Variants in SEMA6D observed in about 807,000 individuals in gnomAD.
SEMA6D encodes semaphorin 6D, also known as semaphorin-6D.
A neutral mutation model predicts 106.6 loss-of-function variants in SEMA6D; 35 were observed. The observed-to-expected ratio is 0.33, with a 90% confidence interval of 0.25 to 0.44. The LOEUF (loss-of-function observed/expected upper bound fraction) is 0.44, where lower values mean the gene tolerates loss of function less well. SEMA6D is among the 20% of genes least tolerant of loss of function. The pLI is 1.00. For missense variants in SEMA6D, 1,185 were observed against 1,345.9 expected (o/e 0.88, Z 1.87); for synonymous variants, 499 against 487.7 (o/e 1.02, Z -0.31).
chr15:47,674,860 G>A (rs939382731), intron 4 of SEMA6D, among the ~76,000 whole-genome samples: 2 of 152,094 alleles, frequency 1.3e-5, no homozygotes, highest in African/African-American at 4.8e-5. Flanking sequence ...CTGCGCATCC[G>A]AATCCCTTCC....
At chr15:47,399,697 T>C (rs942846496) in intron 1 of SEMA6D, 1 of 152,208 alleles carries the variant, frequency 6.6e-6, no homozygotes, top group African/African-American at 2.4e-5. Context: ...TAGCCATGGC[T>C]CTGCAAGGAG....
chr15:47,660,447 A>G (rs1254082338), intron 4 of SEMA6D, among the ~76,000 whole-genome samples: 2 of 152,172 alleles, frequency 1.3e-5, no homozygotes, highest in Non-Finnish European at 2.9e-5. Flanking sequence ...CTAAGGTTAA[A>G]AAATAAGAGT....
chr15:47,342,697 A>C (rs2037870226), intron 1 of SEMA6D, among the ~76,000 whole-genome samples: 1 of 152,022 alleles, frequency 6.6e-6, no homozygotes, highest in East Asian at 1.9e-4. Flanking sequence ...CCCTACACTA[A>C]ATCGCTCAAA....
intron 4 of SEMA6D, among the ~76,000 whole-genome samples, chr15:47,666,361 A>G (rs1279080631): frequency 1.3e-5 from 2 of 152,194 alleles, no homozygotes; most frequent in Non-Finnish European, 2.9e-5. Flanking sequence ...CTGTTGAGTA[A>G]TTGTGCTAGG....
rs370273691 is a variant in SEMA6D at position 47,764,020 on chromosome 15, C to T, written c.918C>T (p.Ile306=). 192 of 1,613,806 alleles carry T rather than the reference C, an allele frequency of 1.2e-4. No individual in the cohort carries two copies. Among genetic ancestry groups the T allele is most frequent in the Non-Finnish European group, 1.5e-4 (180 of 1,179,890 alleles). The change falls in exon 10 of 19, where the codon ATC becomes ATT. Residue 306 remains isoleucine, a synonymous_variant. Coordinates refer to ENST00000536845, the MANE Select transcript of SEMA6D (RefSeq NM_001358351.3). The part of the protein sequence containing the change: ...VLQSITDIIQ[I]NGIPTVVGVF... ...AGTCTATTACAGACATAATACAAAT[C>T]AATGGCATCCCCACTGTGGTCGGGG...
At chr15:47,311,204 A>G (rs747323079) in intron 1 of SEMA6D, among the ~76,000 whole-genome samples, 3 of 152,222 alleles carry the variant, frequency 2.0e-5, no homozygotes, top group African/African-American at 4.8e-5. Context: ...GGCAGCAAGA[A>G]GGATGCATTA....
intron 1 of SEMA6D, among the ~76,000 whole-genome samples, chr15:47,292,851 C>T (rs2035648410): frequency 6.6e-6 from 1 of 152,098 alleles, no homozygotes; most frequent in South Asian, 2.1e-4. Context: ...ACCACATTTC[C>T]TAAGGAAATG....
intron 1 of SEMA6D, among the ~76,000 whole-genome samples, chr15:47,222,832 A>G (rs2031323134): frequency 6.6e-6 from 1 of 152,096 alleles, no homozygotes; most frequent in Non-Finnish European, 1.5e-5. Context: ...CCTTTTATTT[A>G]TTTTAGTATT....
At chr15:47,229,471 G>T (rs555879871) in intron 1 of SEMA6D, among the ~76,000 whole-genome samples, 4 of 152,126 alleles carry the variant, frequency 2.6e-5, no homozygotes, top group African/African-American at 9.6e-5. Flanking sequence ...GCCCCAAGAT[G>T]CCTTGTGCTA....
chr15:47,760,430 A>G lies in SEMA6D; in HGVS notation c.221+15A>G. 6.3e-7 allele frequency: 1 copy of G among 1,584,524 alleles called. No homozygotes were observed. Among genetic ancestry groups the G allele is most frequent in the Non-Finnish European group, 8.7e-7 (1 of 1,154,070 alleles). ...ATTGCTGGCAGGTAATTTTCCTCTCATTGGTTTATTAGATTAAAATTCTTT... is the reference window on the plus strand; with the variant it reads ...ATTGCTGGCAGGTAATTTTCCTCTCGTTGGTTTATTAGATTAAAATTCTTT... On this transcript the variant is annotated intron_variant, in intron 3 of 18. Transcript: ENST00000536845.
intron 1 of SEMA6D, among the ~76,000 whole-genome samples, chr15:47,278,479 ATTTG>A (rs1406373823): frequency 6.6e-6 from 1 of 151,902 alleles, no homozygotes; most frequent in Non-Finnish European, 1.5e-5. Flanking sequence ...TTTCTTGTAA[ATTTG>A]TTTGAGTTAT....
Position 47,640,828 on chromosome 15 carries a change from C to T in SEMA6D, c.-55+39932C>T, listed in dbSNP as rs187966516. 2.8e-4 allele frequency among the ~76,000 whole-genome samples: 43 copies of T among 152,094 alleles called. No homozygotes were observed. The East Asian group carries it at 7.9e-3, about 28-fold the overall frequency. Reference sequence around the variant, plus strand: ...TATTAACGTTAAATATGACCACAGGCCAGTCTGGAAGGAAAGCTGAAAATT... The same window carrying T: ...TATTAACGTTAAATATGACCACAGGTCAGTCTGGAAGGAAAGCTGAAAATT... On this transcript the variant is annotated intron_variant, in intron 4 of 19. Transcript: ENST00000558014.
chr15:47,660,506 C>G (rs192782375), intron 4 of SEMA6D, among the ~76,000 whole-genome samples: 1 of 152,198 alleles, frequency 6.6e-6, no homozygotes, highest in African/African-American at 2.4e-5. Context: ...CACGTAGACC[C>G]AGGCGGATGC....
intron 2 of SEMA6D, among the ~76,000 whole-genome samples, chr15:47,453,341 A>G (rs372265620): frequency 3.9e-5 from 6 of 151,958 alleles, no homozygotes; most frequent in Admixed American, 6.6e-5. Context: ...GACAATTTCT[A>G]TCGCTTAAAG....
intron 3 of SEMA6D, among the ~76,000 whole-genome samples, chr15:47,492,788 C>A (rs1215422534): frequency 2.6e-5 from 4 of 152,086 alleles, no homozygotes; most frequent in Non-Finnish European, 5.9e-5. Flanking sequence ...TAAATGGAAG[C>A]AGCACAGTAT....
chr15:47,730,932 G>C (rs1026222096), intron 1 of SEMA6D: 36 of 743,552 alleles, frequency 4.8e-5, no homozygotes, highest in Non-Finnish European at 8.1e-5. Flanking sequence ...TTTCCTTTCA[G>C]CATCTTGGGC....
chr15:47,455,737 G>A (rs2042327177), intron 2 of SEMA6D, among the ~76,000 whole-genome samples: 1 of 151,904 alleles, frequency 6.6e-6, no homozygotes, highest in Non-Finnish European at 1.5e-5. Flanking sequence ...TTATGAAGAT[G>A]AGAAAGAAGA....
chr15:47,481,691 A>G (rs1432330824), intron 3 of SEMA6D, among the ~76,000 whole-genome samples: 2 of 152,148 alleles, frequency 1.3e-5, no homozygotes, highest in Non-Finnish European at 2.9e-5. Flanking sequence ...GGAGGGGAAG[A>G]TTGTTCTGCC....
chr15:47,500,915 G>A (rs1845946796), intron 3 of SEMA6D, among the ~76,000 whole-genome samples: 1 of 152,082 alleles, frequency 6.6e-6, no homozygotes, highest in African/African-American at 2.4e-5. Context: ...ACTTTACTTT[G>A]CAAAAGCCAA....
Sources: allele counts gnomAD v4.1 joint callset (sites outside exome capture counted in the v4.1 genomes callset), GRCh38; gene constraint gnomAD v4.1.1; transcripts MANE v1.5; gene names NCBI Gene and HGNC (gene_info 2026-07-23, HGNC 2026-07-21).